Variants in RSF1 observed in about 807,000 individuals in gnomAD.
The protein encoded by RSF1 is remodeling and spacing factor 1.
RSF1 carries 13 observed loss-of-function variants against 145.2 expected under a neutral mutation model. The observed-to-expected ratio is 0.09, with a 90% CI of 0.06 to 0.14. RSF1 has a LOEUF of 0.14. RSF1 is among the 10% of genes least tolerant of loss of function. The pLI, the probability that RSF1 is intolerant of heterozygous loss-of-function variation, is 1.00. For missense variants in RSF1, 1,517 were observed against 1,718.2 expected (o/e 0.88, Z 2.07); for synonymous variants, 577 against 592.6 (o/e 0.97, Z 0.38).
chr11:77,680,241 T>C (rs1959821664), intron 11 of RSF1, among the ~76,000 whole-genome samples: 1 of 151,514 alleles, frequency 6.6e-6, no homozygotes, highest in Admixed American at 6.6e-5. Flanking sequence ...GAGACCAATC[T>C]GGGCTATATG....
At chr11:77,791,831 G>A (rs1421641480) in intron 1 of RSF1, among the ~76,000 whole-genome samples, 1 of 152,168 alleles carries the variant, frequency 6.6e-6, no homozygotes, top group African/African-American at 2.4e-5. Flanking sequence ...TTTGGTCAAA[G>A]CCATTCATCA....
chr11:77,818,485 C>CT (rs1185669078), intron 1 of RSF1, among the ~76,000 whole-genome samples: 1 of 152,136 alleles, frequency 6.6e-6, no homozygotes, highest in African/African-American at 2.4e-5. Flanking sequence ...TGACTACCTT[C>CT]TTAAAAATTA....
intron 1 of RSF1, among the ~76,000 whole-genome samples, chr11:77,809,209 T>C (rs1451043178): frequency 6.6e-6 from 1 of 152,242 alleles, no homozygotes; most frequent in Non-Finnish European, 1.5e-5. Flanking sequence ...AATGACACTA[T>C]AAATAGAGTG....
intron 1 of RSF1, among the ~76,000 whole-genome samples, chr11:77,801,404 G>A (rs902488796): frequency 1.3e-5 from 2 of 152,184 alleles, no homozygotes; most frequent in African/African-American, 4.8e-5. Flanking sequence ...CTCCAGCCTG[G>A]GCAAAACAGA....
At chr11:77,728,083 C>G (rs1037235064) in intron 4 of RSF1, among the ~76,000 whole-genome samples, 3 of 152,100 alleles carry the variant, frequency 2.0e-5, no homozygotes, top group Non-Finnish European at 4.4e-5. Context: ...TTTTGCTACC[C>G]CTCCCTCACT....
intron 1 of RSF1, among the ~76,000 whole-genome samples, chr11:77,815,361 G>A (rs1488574478): frequency 2.6e-5 from 4 of 151,906 alleles, no homozygotes; most frequent in Admixed American, 6.6e-5. Flanking sequence ...ACCTTTTGTG[G>A]GATCTACTCT....
At position 77,666,297 on chromosome 11, in the gene RSF1, T is replaced by A. The variant is rs1177062895; in HGVS notation, c.*620A>T. ...CTATAACAAAAATTTAGGTTAATTA[T>A]GATGGTACTTTCACTGTCTCTTCTT... is the stretch of plus-strand genomic sequence containing the variant. On this transcript the variant is annotated 3_prime_UTR_variant, in exon 16 of 16. Transcript: ENST00000308488. 1.3e-5 allele frequency: 2 copies of A among 152,604 alleles called. No individual in the cohort carries two copies. Among genetic ancestry groups the A allele is most frequent in the Admixed American group, 1.3e-4 (2 of 15,282 alleles). 9.5% of individuals were successfully genotyped at this position (152,604 alleles called of 1,614,324 possible). A position where few individuals can be genotyped will look rare whatever the true frequency, so the allele number is the denominator to read the frequency against.
chr11:77,800,552 C>T (rs1241977945), intron 1 of RSF1, among the ~76,000 whole-genome samples: 1 of 152,146 alleles, frequency 6.6e-6, no homozygotes, highest in African/African-American at 2.4e-5. Context: ...GATGGCTTCA[C>T]TAATTCTACC....
intron 9 of RSF1, among the ~76,000 whole-genome samples, chr11:77,690,477 A>G (rs879759937): frequency 6.6e-5 from 10 of 152,282 alleles, no homozygotes; most frequent in Admixed American, 6.5e-4. Flanking sequence ...TTATTTTGAG[A>G]CAGAGTCTCA....
chr11:77,680,822 C>T (rs963556138), intron 11 of RSF1, among the ~76,000 whole-genome samples: 2 of 152,184 alleles, frequency 1.3e-5, no homozygotes, highest in Non-Finnish European at 1.5e-5. Flanking sequence ...GAAAGTAAAA[C>T]TCAGCACATC....
the RSF1 span, chr11:77,869,048 G>C: frequency 3.0e-6 from 1 of 335,670 alleles, no homozygotes; most frequent in South Asian, 3.9e-5. Context: ...ATTCCTTTTT[G>C]AACAGTACCC....
rs1448791601 is a variant in RSF1 at position 77,663,482 on chromosome 11, G to C, written c.*3435C>G. 1.3e-5 allele frequency: 2 copies of C among 152,042 alleles called. No individual in the cohort carries two copies. The highest frequency in any genetic ancestry group is 4.8e-5 in the African/African-American group (2 of 41,410). 9.4% of individuals were successfully genotyped at this position (152,042 alleles called of 1,614,324 possible). A position where few individuals can be genotyped will look rare whatever the true frequency, so the allele number is the denominator to read the frequency against. Reference sequence around the variant, plus strand: ...AAATTATTTTTCAAAAGCTTCATTAGCATTTAAAGTTTTTGGTTCTTGGGC... The same window carrying C: ...AAATTATTTTTCAAAAGCTTCATTACCATTTAAAGTTTTTGGTTCTTGGGC... On this transcript the variant is annotated 3_prime_UTR_variant, in exon 16 of 16. Transcript: ENST00000308488.
intron 1 of RSF1, among the ~76,000 whole-genome samples, chr11:77,785,945 A>AAG (rs1489535294): frequency 1.3e-5 from 2 of 148,620 alleles, no homozygotes; most frequent in Non-Finnish European, 3.0e-5. Flanking sequence ...AAAAAAAAAA[A>AAG]AAAAAAAAAG....
At chr11:77,775,173 G>A (rs1383807386) in intron 1 of RSF1, among the ~76,000 whole-genome samples, 2 of 151,444 alleles carry the variant, frequency 1.3e-5, no homozygotes, top group African/African-American at 2.4e-5. Context: ...TCTTGAACCC[G>A]GGAGGCAGAG....
At chr11:77,690,100 T>C (rs2135837091) in intron 9 of RSF1, among the ~76,000 whole-genome samples, 1 of 146,894 alleles carries the variant, frequency 6.8e-6, no homozygotes, top group South Asian at 2.1e-4. Context: ...AGATGGAGGT[T>C]GCCATGAGCC....
intron 1 of RSF1, among the ~76,000 whole-genome samples, chr11:77,798,831 C>T (rs925687373): frequency 7.3e-5 from 11 of 150,660 alleles, no homozygotes; most frequent in African/African-American, 2.0e-4. Flanking sequence ...CAGGGCTTGT[C>T]GGGAGGTGGG....
chr11:77,667,066 T>A lies in RSF1; in HGVS notation c.4177A>T (p.Thr1393Ser), dbSNP rs772857319. Residue 1393 changes from threonine (T) to serine (S), a missense_variant, in exon 16 of 16, where the codon ACC (threonine) becomes TCC (serine). By Grantham distance (58) the Thr-to-Ser change is moderately conservative (BLOSUM62 1). Transcript: ENST00000308488. ...CTGGCTGTGCTGTTGTCCTTGGGGG[T>A]CTGAGACTTCTCAGTAGGCTTGCCA... ...LIGKPTEKSQ[T>S]PKDNSTASAS... The A allele has an allele frequency of 3.1e-6, 5 of 1,614,086 alleles. No individual in the cohort carries two copies. The South Asian group carries it at 4.4e-5, about 14-fold the overall frequency.
chr11:77,690,958 T>C (rs1960136515), intron 9 of RSF1: 1 of 538,144 alleles, frequency 1.9e-6, no homozygotes, highest in Non-Finnish European at 3.3e-6. Context: ...TGAAATATGA[T>C]TCTAGTTTTT....
intron 3 of RSF1, among the ~76,000 whole-genome samples, chr11:77,744,550 T>C (rs964940793): frequency 2.6e-5 from 4 of 151,428 alleles, no homozygotes; most frequent in Admixed American, 1.3e-4. Context: ...AGTGATTCTC[T>C]TGCCTCAGCT....
Sources: allele counts gnomAD v4.1 joint callset (sites outside exome capture counted in the v4.1 genomes callset), GRCh38; gene constraint gnomAD v4.1.1; transcripts MANE v1.5; gene names NCBI Gene and HGNC (gene_info 2026-07-23, HGNC 2026-07-21).